Variants in RPAP3 observed in about 807,000 individuals in gnomAD.
RPAP3 encodes RNA polymerase II-associated protein 3.
Under a neutral mutation model 88.8 loss-of-function variants are expected in RPAP3, and 58 were observed. The ratio of observed to expected loss-of-function variants is 0.65; its 90% CI spans 0.53 to 0.81. RPAP3 has a LOEUF of 0.81. Ranked by LOEUF, RPAP3 falls within the 40% of genes least tolerant of loss-of-function variation. The probability of loss-of-function intolerance (pLI) is 0.00; values close to 1 mark genes in which losing one functional copy is unlikely to be tolerated. For synonymous variants in RPAP3, 255 were observed against 259.9 expected (o/e 0.98, Z 0.18); for missense variants, 751 against 764.3 (o/e 0.98, Z 0.20).
chr12:47,693,219 T>C (rs1486958240), intron 5 of RPAP3, among the ~76,000 whole-genome samples: 3 of 152,054 alleles, frequency 2.0e-5, no homozygotes, highest in African/African-American at 4.8e-5. Flanking sequence ...TTCAATACTG[T>C]TGTGTCTCAG....
chr12:47,697,774 GAAAA>G, intron 3 of RPAP3, 55 bp from the exon 4 acceptor site: 2 of 1,467,398 alleles, frequency 1.4e-6, no homozygotes, highest in East Asian at 4.8e-5. Context: ...GGAAAAAAAA[GAAAA>G]AAAGACATAC....
Position 47,670,325 on chromosome 12 carries a change from A to G in RPAP3, c.1308T>C (p.Ile436=), listed in dbSNP as rs1481836234. 6.2e-7 allele frequency: 1 copy of G among 1,600,720 alleles called. No homozygotes were observed. Among genetic ancestry groups the G allele is most frequent in the East Asian group, 2.2e-5 (1 of 44,726 alleles). Residue 436 remains isoleucine (I), a synonymous_variant, in exon 13 of 17, where the codon ATT becomes ATC. Coordinates refer to ENST00000005386, the MANE Select transcript of RPAP3 (RefSeq NM_024604.3). ...PGSTKPLKKV[I]IEETGNLIQT... is the part of the protein sequence containing the mutation. ...GTATCAAATTACCAGTTTCTTCAAT[A>G]ATAACCTTCTTGAGTGGTTTCTAAA... is the stretch of plus-strand genomic sequence containing the variant.
intron 12 of RPAP3, 40 bp from the exon 13 acceptor site, chr12:47,670,385 A>C: frequency 8.2e-7 from 1 of 1,214,340 alleles, no homozygotes; most frequent in Non-Finnish European, 1.2e-6. Context: ...CAAAATATTA[A>C]AGGTTTCCTA....
chr12:47,682,091 A>G (rs1592476367), intron 9 of RPAP3, among the ~76,000 whole-genome samples: 1 of 152,278 alleles, frequency 6.6e-6, no homozygotes, highest in East Asian at 1.9e-4. Flanking sequence ...AGGGCAGACA[A>G]AAGAATGCCA....
At chr12:47,688,043 C>A in intron 7 of RPAP3, 42 bp from the exon 8 acceptor site, 3 of 1,564,174 alleles carry the variant, frequency 1.9e-6, no homozygotes, top group Non-Finnish European at 2.6e-6. Context: ...CAAAGTAATG[C>A]AAGATGCATA....
intron 9 of RPAP3, 36 bp from the exon 10 acceptor site, chr12:47,681,853 G>C: frequency 6.6e-7 from 1 of 1,520,318 alleles, no homozygotes; most frequent in Non-Finnish European, 8.7e-7. Context: ...CTGGAAAAAA[G>C]GCAGCTTATG....
At position 47,702,806 on chromosome 12, in the gene RPAP3, A is replaced by G. The variant is rs774310982; in HGVS notation, c.35T>C (p.Leu12Pro). ...TSANKAIELQ[L>P]QVKQNAEELQ... is the part of the protein sequence containing the mutation. ...TTCTTCTGCATTTTGTTTCACTTGT[A>G]GTTGTAATTCGATTGCTTTATTTGC... The change falls in exon 2 of 17, where the codon CTA becomes CCA. Residue 12 changes from leucine (L) to proline (P), a missense_variant. Physicochemically the swap from Leu to Pro is moderately conservative, Grantham distance 98. Transcript: ENST00000005386. The G allele has an allele frequency of 6.2e-7, 1 of 1,613,044 alleles. No homozygotes were observed. Among genetic ancestry groups the G allele is most frequent in the East Asian group, 2.2e-5 (1 of 44,782 alleles).
At chr12:47,672,948 A>C (rs911365075) in intron 12 of RPAP3, among the ~76,000 whole-genome samples, 3 of 152,232 alleles carry the variant, frequency 2.0e-5, no homozygotes, top group Non-Finnish European at 4.4e-5. Context: ...AGTGACGTCT[A>C]ACAAAGGCCT....
chr12:47,670,914 G>A (rs777794803), intron 12 of RPAP3, among the ~76,000 whole-genome samples: 1 of 152,096 alleles, frequency 6.6e-6, no homozygotes, highest in African/African-American at 2.4e-5. Flanking sequence ...GTGGAATAAG[G>A]GCAGACAATA....
At chr12:47,670,042 A>C in intron 13 of RPAP3, 65 bp downstream of exon 13, 1 of 1,019,748 alleles carries the variant, frequency 9.8e-7, no homozygotes, top group Non-Finnish European at 1.5e-6. Flanking sequence ...AGTCTCAGTA[A>C]TATCAATTCT....
intron 9 of RPAP3, among the ~76,000 whole-genome samples, chr12:47,683,191 G>A (rs1330479836): frequency 6.6e-6 from 1 of 152,130 alleles, no homozygotes; most frequent in Non-Finnish European, 1.5e-5. Context: ...CCTGGACTCA[G>A]TCTATGCCAG....
chr12:47,694,985 C>A (rs1001292263), intron 5 of RPAP3, among the ~76,000 whole-genome samples: 5 of 152,008 alleles, frequency 3.3e-5, no homozygotes, highest in Non-Finnish European at 5.9e-5. Context: ...TTGCCATCAT[C>A]CTGTGAAGCT....
intron 1 of RPAP3, among the ~76,000 whole-genome samples, chr12:47,704,221 A>C (rs1396109874): frequency 1.3e-5 from 2 of 152,230 alleles, no homozygotes; most frequent in African/African-American, 4.8e-5. Flanking sequence ...AAAAGTAGGC[A>C]GTAGCACCTA....
intron 4 of RPAP3, among the ~76,000 whole-genome samples, chr12:47,696,966 C>T (rs113309700): frequency 3.9e-5 from 6 of 152,256 alleles, no homozygotes; most frequent in South Asian, 4.1e-4. Flanking sequence ...TGTATGGGTA[C>T]AACCCAAGAG....
rs1425410635 is a variant in RPAP3 at position 47,702,865 on chromosome 12, C to T, written c.-6-19G>A. 3 of 1,599,850 alleles carry T rather than the reference C, an allele frequency of 1.9e-6. No individual in the cohort carries two copies. Among genetic ancestry groups the T allele is most frequent in the Admixed American group, 3.5e-5 (2 of 57,606 alleles). ...TTATGGTCTGCAGAGTTTTGAACAA[C>T]CAACCTCTGATAAGAATAGGCCTAT... On this transcript the variant is annotated intron_variant, in intron 1 of 16. Coordinates refer to ENST00000005386, the MANE Select transcript of RPAP3 (RefSeq NM_024604.3).
At position 47,690,610 on chromosome 12, in the gene RPAP3, A is replaced by G; in HGVS notation, c.575T>C (p.Leu192Ser). The change falls in exon 6 of 17, where the codon TTA (leucine) becomes TCA (serine). Residue 192 changes from leucine (L) to serine (S), a missense_variant. Physicochemically the swap from Leu to Ser is moderately radical, Grantham distance 145 (BLOSUM62 -2). Transcript: ENST00000005386. ...ATAACTTCTATTCAAGGCAACTGCT[A>G]AATTACAATCAGACTCAGCAACAGC... ...KFAVAESDCN[L>S]AVALNRSYTK... The G allele has an allele frequency of 6.4e-7, 1 of 1,569,800 alleles. No individual in the cohort carries two copies. Among genetic ancestry groups the G allele is most frequent in the Non-Finnish European group, 8.7e-7 (1 of 1,153,812 alleles).
rs998796680 is a variant in RPAP3, at chr12:47,664,247, G to A, written c.1913-657C>T. On this transcript the variant is annotated intron_variant, in intron 16 of 16. Transcript: ENST00000005386. Reference sequence around the variant, plus strand: ...TACTAAAAATACAAAAAAATTAGCCGCGAGTGATGGCGGGCGCCTGTAGTC... The same window carrying A: ...TACTAAAAATACAAAAAAATTAGCCACGAGTGATGGCGGGCGCCTGTAGTC... 1.1e-4 allele frequency among the ~76,000 whole-genome samples: 16 copies of A among 152,148 alleles called. No individual in the cohort carries two copies. The East Asian group carries it at 2.7e-3, about 26-fold the overall frequency.
intron 5 of RPAP3, 54 bp from the exon 6 acceptor site, chr12:47,690,693 C>T: frequency 1.6e-6 from 2 of 1,257,588 alleles, no homozygotes; most frequent in African/African-American, 3.1e-5. Flanking sequence ...ATTTACTAAA[C>T]CAAAACTTCA....
chr12:47,664,425 C>T (rs566778957), intron 16 of RPAP3, among the ~76,000 whole-genome samples: 1 of 151,964 alleles, frequency 6.6e-6, no homozygotes, highest in Admixed American at 6.6e-5. Context: ...GATTATGAAT[C>T]GCAAAAAAAT....
Sources: gnomAD v4.1 joint callset for allele counts (sites outside exome capture counted in the v4.1 genomes callset) on GRCh38, gnomAD v4.1.1 for gene constraint, MANE v1.5 for transcripts, NCBI Gene and HGNC (gene_info 2026-07-23, HGNC 2026-07-21) for gene names.